Variants in SYT1 observed in about 807,000 individuals in gnomAD.
The protein encoded by SYT1 is synaptotagmin-1.
In SYT1, 8 loss-of-function variants were observed where a neutral mutation model predicts 44.8. The ratio of observed to expected loss-of-function variants is 0.18; its 90% CI spans 0.10 to 0.32. The LOEUF is 0.32. SYT1 is among the 10% of genes least tolerant of loss of function. SYT1 has a pLI of 1.00. For missense variants in SYT1, 286 were observed against 509.3 expected (o/e 0.56, Z 4.22); for synonymous variants, 154 against 188.8 (o/e 0.82, Z 1.51).
At chr12:79,333,981 T>C (rs1881975531) in intron 8 of SYT1, among the ~76,000 whole-genome samples, 1 of 152,192 alleles carries the variant, frequency 6.6e-6, no homozygotes, top group Non-Finnish European at 1.5e-5. Flanking sequence ...GTCCGTGACA[T>C]TGCTCCCCTT....
At chr12:78,865,470 G>A (rs1390369041) in intron 1 of SYT1, among the ~76,000 whole-genome samples, 1 of 151,754 alleles carries the variant, frequency 6.6e-6, no homozygotes, top group Non-Finnish European at 1.5e-5. Context: ...CACGCACAGC[G>A]TTTCTTTCTC....
chr12:79,101,433 T>C (rs1450825872), intron 3 of SYT1, among the ~76,000 whole-genome samples: 1 of 152,110 alleles, frequency 6.6e-6, no homozygotes, highest in East Asian at 1.9e-4. Flanking sequence ...GTCAAATTCA[T>C]AGAGACAGAA....
chr12:79,200,044 C>G (rs1873688092), intron 3 of SYT1, among the ~76,000 whole-genome samples: 1 of 151,988 alleles, frequency 6.6e-6, no homozygotes, highest in African/African-American at 2.4e-5. Context: ...CTGGTGACAT[C>G]TTAACCACAA....
chr12:79,370,808 C>G (rs1050366694), intron 9 of SYT1, among the ~76,000 whole-genome samples: 7 of 151,808 alleles, frequency 4.6e-5, no homozygotes, highest in Admixed American at 6.6e-5. Context: ...AAAAGAAATA[C>G]TGAGTTAGGG....
chr12:79,021,550 T>C (rs1308831593), intron 2 of SYT1, among the ~76,000 whole-genome samples: 3 of 151,726 alleles, frequency 2.0e-5, no homozygotes, highest in East Asian at 3.9e-4. Context: ...CATCGTACAA[T>C]TGATAAATTA....
intron 9 of SYT1, among the ~76,000 whole-genome samples, chr12:79,356,165 T>C (rs997364346): frequency 2.6e-5 from 4 of 151,178 alleles, no homozygotes; most frequent in Non-Finnish European, 4.4e-5. Context: ...AGCCATGGGG[T>C]GTCTGGGAGA....
chr12:79,097,808 G>T (rs1378388722), intron 3 of SYT1, among the ~76,000 whole-genome samples: 1 of 151,982 alleles, frequency 6.6e-6, no homozygotes, highest in Non-Finnish European at 1.5e-5. Flanking sequence ...ATCCTGCTTA[G>T]AGATGGAAAG....
chr12:79,422,380 G>A (rs1321812117), intron 9 of SYT1, among the ~76,000 whole-genome samples: 1 of 151,648 alleles, frequency 6.6e-6, no homozygotes, highest in African/African-American at 2.4e-5. Flanking sequence ...TCATTTGGGA[G>A]CATTGCCTTA....
intron 3 of SYT1, among the ~76,000 whole-genome samples, chr12:79,105,798 T>A (rs1878683501): frequency 6.6e-6 from 1 of 151,366 alleles, no homozygotes; most frequent in Non-Finnish European, 1.5e-5. Flanking sequence ...GAGAATGGCA[T>A]GAACCCGGGA....
chr12:79,043,559 A>G (rs919531766), intron 2 of SYT1, among the ~76,000 whole-genome samples: 3 of 150,930 alleles, frequency 2.0e-5, no homozygotes, highest in Admixed American at 6.6e-5. Context: ...CAGCACACTG[A>G]TGGGTCTTGA....
intron 8 of SYT1, among the ~76,000 whole-genome samples, chr12:79,305,190 C>A (rs943618601): frequency 6.6e-6 from 1 of 152,132 alleles, no homozygotes; most frequent in Non-Finnish European, 1.5e-5. Context: ...AATCCAAATT[C>A]TCACTTTAGA....
chr12:78,937,204 T>C (rs986383364), intron 1 of SYT1, among the ~76,000 whole-genome samples: 4 of 152,138 alleles, frequency 2.6e-5, no homozygotes, highest in Admixed American at 1.3e-4. Flanking sequence ...GGCCAATATA[T>C]TAGCCTGTAA....
At chr12:79,069,351 A>G (rs1876104693) in intron 3 of SYT1, among the ~76,000 whole-genome samples, 1 of 152,126 alleles carries the variant, frequency 6.6e-6, no homozygotes, top group Non-Finnish European at 1.5e-5. Context: ...GGCTTCACAA[A>G]ATACATTACA....
chr12:79,190,864 T>C (rs1182505357), intron 3 of SYT1, among the ~76,000 whole-genome samples: 1 of 152,110 alleles, frequency 6.6e-6, no homozygotes, highest in Non-Finnish European at 1.5e-5. Context: ...GATAGAGTAA[T>C]ATATTACATG....
At chr12:79,260,706 T>C (rs750283469) in intron 4 of SYT1, among the ~76,000 whole-genome samples, 24 of 152,242 alleles carry the variant, frequency 1.6e-4, no homozygotes, top group Non-Finnish European at 8.8e-5. Flanking sequence ...AATAAAAATC[T>C]ATTCAAAAGT....
intron 1 of SYT1, among the ~76,000 whole-genome samples, chr12:78,917,925 T>A (rs925005786): frequency 2.0e-5 from 3 of 152,096 alleles, no homozygotes; most frequent in Non-Finnish European, 4.4e-5. Flanking sequence ...GATTTTTATG[T>A]CTTTGGTAAG....
At chr12:79,248,465 T>G (rs1876984001) in intron 4 of SYT1, among the ~76,000 whole-genome samples, 1 of 152,204 alleles carries the variant, frequency 6.6e-6, no homozygotes, top group African/African-American at 2.4e-5. Flanking sequence ...AGACCTTTCT[T>G]GCCTCCTTGT....
At chr12:79,424,956 T>C (rs1225370849) in intron 9 of SYT1, among the ~76,000 whole-genome samples, 20 of 147,888 alleles carry the variant, frequency 1.4e-4, no homozygotes, top group East Asian at 3.9e-4. Flanking sequence ...TCTTCTTCTT[T>C]TTTTTTTTTT....
intron 1 of SYT1, among the ~76,000 whole-genome samples, chr12:78,948,374 A>G (rs1273485059): frequency 2.6e-5 from 4 of 152,130 alleles, no homozygotes; most frequent in East Asian, 3.9e-4. Context: ...TTAAATTTGT[A>G]TAATATACTG....
Sources: gnomAD v4.1 joint callset for allele counts (sites outside exome capture counted in the v4.1 genomes callset) on GRCh38, gnomAD v4.1.1 for gene constraint, MANE v1.5 for transcripts, NCBI Gene and HGNC (gene_info 2026-07-23, HGNC 2026-07-21) for gene names.